LRRTM3: variants seen among roughly 807,000 people sequenced by gnomAD.
The protein encoded by LRRTM3 is leucine rich repeat transmembrane neuronal 3.
In LRRTM3, 24 loss-of-function variants were observed where a neutral mutation model predicts 44.7. The ratio of observed to expected loss-of-function variants is 0.54; its 90% CI spans 0.39 to 0.76. The LOEUF is 0.76. Among genes scored for constraint, LRRTM3 ranks in the 30% least tolerant of loss-of-function variants. The pLI is 0.00. For synonymous variants in LRRTM3, 277 were observed against 278.7 expected (o/e 0.99, Z 0.06); for missense variants, 587 against 702.2 (o/e 0.84, Z 1.85).
At chr10:66,993,506 T>C (rs10740265) in intron 2 of LRRTM3, among the ~76,000 whole-genome samples, 71,273 of 151,878 alleles carry the variant, frequency 0.47, 17,247 homozygotes, top group African/African-American at 0.55. Context: ...GCCTTATCAT[T>C]TCATTAGGCT....
At chr10:66,948,467 T>C (rs2132710184) in intron 2 of LRRTM3, among the ~76,000 whole-genome samples, 1 of 152,322 alleles carries the variant, frequency 6.6e-6, no homozygotes, top group African/African-American at 2.4e-5. Context: ...TTACTACATG[T>C]GTTATGTGAC....
chr10:67,097,456 G>C (rs1235627746), intron 2 of LRRTM3, 131 bp from the exon 3 acceptor site: 6 of 709,788 alleles, frequency 8.5e-6, no homozygotes, highest in Admixed American at 2.3e-5. Context: ...GGATAATATA[G>C]GGACACCTGG....
chr10:67,027,257 T>A (rs1853445701), intron 2 of LRRTM3, among the ~76,000 whole-genome samples: 1 of 152,136 alleles, frequency 6.6e-6, no homozygotes, highest in Non-Finnish European at 1.5e-5. Context: ...AAGATAGAGC[T>A]GAATGAGTCA....
chr10:66,980,982 C>T (rs1850401383), intron 2 of LRRTM3, among the ~76,000 whole-genome samples: 1 of 152,142 alleles, frequency 6.6e-6, no homozygotes, highest in East Asian at 1.9e-4. Flanking sequence ...TTTCGGCTCA[C>T]CCCAACCTCC....
At chr10:67,066,143 C>T (rs1261728790) in intron 2 of LRRTM3, among the ~76,000 whole-genome samples, 1 of 151,204 alleles carries the variant, frequency 6.6e-6, no homozygotes, top group Non-Finnish European at 1.5e-5. Flanking sequence ...TCAATACCAT[C>T]ACCAGTGCTC....
Position 66,927,352 on chromosome 10 carries a change from C to T in LRRTM3, c.436C>T (p.His146Tyr), listed in dbSNP as rs1436744091. Residue 146 changes from histidine to tyrosine, a missense_variant, in exon 2 of 3, where the codon CAT becomes TAT. Coordinates refer to ENST00000361320, the MANE Select transcript of LRRTM3 (RefSeq NM_178011.5). The surrounding 1 kb of genome is among the most constrained non-coding windows in gnomAD (Gnocchi z 4.7). ...RNLDLSYNQL[H>Y]SLGSEQFRGL... is the part of the protein sequence containing the mutation. The stretch of plus-strand genomic sequence containing the variant: ...CTTGGATCTGTCCTATAATCAGCTG[C>T]ATTCTCTGGGATCTGAACAGTTTCG... The T allele has an allele frequency of 1.9e-6, 3 of 1,614,088 alleles. No individual in the cohort carries two copies. The highest frequency in any genetic ancestry group is 2.7e-5 in the African/African-American group (2 of 74,934).
At chr10:67,055,879 T>C (rs181432978) in intron 2 of LRRTM3, among the ~76,000 whole-genome samples, 125 of 152,242 alleles carry the variant, frequency 8.2e-4, no homozygotes, top group African/African-American at 2.9e-3. Flanking sequence ...TAATCCATCA[T>C]GAATATAGAT....
chr10:67,093,317 C>G (rs7093905), intron 2 of LRRTM3, among the ~76,000 whole-genome samples: 86,105 of 151,634 alleles, frequency 0.57, 26,211 homozygotes, highest in African/African-American at 0.8. Flanking sequence ...TTTGGGTAAC[C>G]TTCAGGTAGG....
chr10:67,095,895 G>T (rs1279015616), intron 2 of LRRTM3, among the ~76,000 whole-genome samples: 1 of 151,700 alleles, frequency 6.6e-6, no homozygotes, highest in Non-Finnish European at 1.5e-5. Context: ...AGTTATCTGG[G>T]CTATTTCATC....
chr10:66,993,516 T>G lies in LRRTM3; in HGVS notation c.1536+65064T>G, dbSNP rs1024387695. Reference sequence around the variant, plus strand: ...GACAAGCCTTATCATTTCATTAGGCTTCTTCAACACCATTTTGGACCCTTT... The same window carrying G: ...GACAAGCCTTATCATTTCATTAGGCGTCTTCAACACCATTTTGGACCCTTT... On this transcript the variant is annotated intron_variant, in intron 2 of 2. Transcript: ENST00000361320. 1.5e-4 allele frequency among the ~76,000 whole-genome samples: 23 copies of G among 152,128 alleles called. 1 individual carries two copies. The highest frequency in any genetic ancestry group is 5.5e-4 in the African/African-American group (23 of 41,450).
At chr10:67,053,327 T>G (rs1004905926) in intron 2 of LRRTM3, among the ~76,000 whole-genome samples, 1 of 152,116 alleles carries the variant, frequency 6.6e-6, no homozygotes, top group Non-Finnish European at 1.5e-5. Flanking sequence ...ACTGGAAAAA[T>G]CTGATTCCAT....
rs189130726 is a variant in LRRTM3 at position 66,974,162 on chromosome 10, C to T, written c.1536+45710C>T. On this transcript the variant is annotated intron_variant, in intron 2 of 2. Transcript: ENST00000361320. ...ACCACAGATTAATTTTGCCTAATTT[C>T]GAGCTTGATACGAATGAAATCATTC... Among the ~76,000 whole-genome samples, 142 of 152,252 alleles carry T rather than the reference C, an allele frequency of 9.3e-4. 1 individual carries two copies. Among genetic ancestry groups the T allele is most frequent in the African/African-American group, 3.3e-3 (138 of 41,556 alleles).
intron 2 of LRRTM3, among the ~76,000 whole-genome samples, chr10:66,968,837 T>C (rs1188578015): frequency 6.6e-6 from 1 of 151,970 alleles, no homozygotes; most frequent in African/African-American, 2.4e-5. Context: ...GCCAACATGG[T>C]GAAACCCTGT....
In LRRTM3 at chr10:67,100,958, A is replaced by AAT. The variant is rs1489569272; in HGVS notation, c.*3169_*3170dup. ...CCAGAGATAATGGATAGAATGAAAG[A>AAT]ATATATATCTATATATATTTGACAT... On this transcript the variant is annotated 3_prime_UTR_variant, in exon 3 of 3. Transcript: ENST00000361320. Among the ~76,000 whole-genome samples the AAT allele has an allele frequency of 2.0e-5, 3 of 151,722 alleles. No individual in the cohort carries two copies. Among genetic ancestry groups the AAT allele is most frequent in the African/African-American group, 7.3e-5 (3 of 41,364 alleles).
intron 2 of LRRTM3, among the ~76,000 whole-genome samples, chr10:67,071,299 T>C (rs1395441967): frequency 6.7e-6 from 1 of 149,990 alleles, no homozygotes; most frequent in African/African-American, 2.5e-5. Context: ...ACTGATTAAT[T>C]CTCTGTTTTT....
intron 2 of LRRTM3, among the ~76,000 whole-genome samples, chr10:66,992,901 C>A (rs988339525): frequency 2.0e-5 from 3 of 152,026 alleles, no homozygotes; most frequent in Non-Finnish European, 4.4e-5. Flanking sequence ...TCAATTTGAC[C>A]ATTTTTGTAT....
intron 2 of LRRTM3, among the ~76,000 whole-genome samples, chr10:66,934,047 T>C (rs986598513): frequency 2.0e-5 from 3 of 152,052 alleles, no homozygotes; most frequent in African/African-American, 7.2e-5. Context: ...CCTGAACACG[T>C]GAGGAAAATT....
At chr10:67,034,295 T>A (rs973840290) in intron 2 of LRRTM3, among the ~76,000 whole-genome samples, 1 of 152,210 alleles carries the variant, frequency 6.6e-6, no homozygotes, top group Admixed American at 6.5e-5. Context: ...CAAGCAATCA[T>A]TTATTCAGTC....
At chr10:67,045,494 G>C (rs75461914) in intron 2 of LRRTM3, among the ~76,000 whole-genome samples, 1 of 152,066 alleles carries the variant, frequency 6.6e-6, no homozygotes, top group East Asian at 1.9e-4. Context: ...AATAGATCGC[G>C]GCGAGGGAAC....
Sources: allele counts gnomAD v4.1 joint callset (sites outside exome capture counted in the v4.1 genomes callset), GRCh38; gene constraint gnomAD v4.1.1; non-coding constraint Gnocchi (gnomAD v3.1); transcripts MANE v1.5; gene names NCBI Gene and HGNC (gene_info 2026-07-23, HGNC 2026-07-21).